GRIK4: variants seen among roughly 807,000 people sequenced by gnomAD.
The protein encoded by GRIK4 is glutamate ionotropic receptor kainate type subunit 4, also known as glutamate receptor ionotropic, kainate 4.
GRIK4 carries 40 observed loss-of-function variants against 104.9 expected under a neutral mutation model. The ratio of observed to expected loss-of-function variants is 0.38; its 90% CI spans 0.30 to 0.50. The LOEUF is 0.50. Ranked by LOEUF, GRIK4 falls within the 20% of genes least tolerant of loss-of-function variation. The pLI is 0.93. For missense variants in GRIK4, 1,047 were observed against 1,308.1 expected, an observed-to-expected ratio of 0.80 and a Z score of 3.08; for synonymous variants, 485 against 524.9, an observed-to-expected ratio of 0.92 and a Z score of 1.04.
intron 3 of GRIK4, among the ~76,000 whole-genome samples, chr11:120,750,396 T>A (rs1356770467): frequency 7.3e-6 from 1 of 137,004 alleles, no homozygotes; most frequent in Non-Finnish European, 1.5e-5. Flanking sequence ...ATGTAGAGTC[T>A]CGCTCCGTGG....
At chr11:120,609,516 C>CTT (rs58736481) in intron 1 of GRIK4, among the ~76,000 whole-genome samples, 11 of 57,160 alleles carry the variant, frequency 1.9e-4, no homozygotes, top group African/African-American at 3.0e-4. Flanking sequence ...TTTGCAGTTG[C>CTT]TTTTTTTTTT....
At chr11:120,909,786 G>T (rs1942952513) in intron 13 of GRIK4, among the ~76,000 whole-genome samples, 1 of 152,190 alleles carries the variant, frequency 6.6e-6, no homozygotes, top group African/African-American at 2.4e-5. Flanking sequence ...GAATTAAAGT[G>T]TAGAGGCCCA....
chr11:120,799,111 A>G (rs142482226), intron 3 of GRIK4, among the ~76,000 whole-genome samples: 1 of 152,342 alleles, frequency 6.6e-6, no homozygotes, highest in African/African-American at 2.4e-5. Context: ...AACTACATCA[A>G]AACATTCCCA....
intron 6 of GRIK4, among the ~76,000 whole-genome samples, chr11:120,824,242 A>T (rs951094155): frequency 2.0e-5 from 3 of 152,206 alleles, no homozygotes; most frequent in Non-Finnish European, 4.4e-5. Context: ...AATGGGAAAA[A>T]AAGAACATTT....
At chr11:120,733,146 A>G (rs925335889) in intron 3 of GRIK4, among the ~76,000 whole-genome samples, 1 of 152,172 alleles carries the variant, frequency 6.6e-6, no homozygotes, top group African/African-American at 2.4e-5. Flanking sequence ...TGTCTAATAT[A>G]TGTATAGCTA....
Position 120,953,097 on chromosome 11 carries a change from C to G in GRIK4, c.1700+133C>G. On this transcript the variant is annotated intron_variant, in intron 15 of 20. Coordinates refer to ENST00000527524, the MANE Select transcript of GRIK4 (RefSeq NM_014619.5). This position sits in a 1 kb window ranked among gnomAD's most constrained non-coding sequence, Gnocchi z 4.9. ...AGATCTTGGTGCCAAACTAGAAGGA[C>G]AGGAGAAGGACTGGGGGCCTGAAAT... is the stretch of plus-strand genomic sequence containing the variant. The G allele has an allele frequency of 1.6e-6, 1 of 642,178 alleles. No individual in the cohort carries two copies. The highest frequency in any genetic ancestry group is 2.6e-5 in the Admixed American group (1 of 38,538). The allele number at this position is 642,178 out of a possible 1,614,324, so 39.8% of individuals were successfully genotyped here.
chr11:120,921,293 C>T (rs953193457), intron 13 of GRIK4, among the ~76,000 whole-genome samples: 2 of 152,160 alleles, frequency 1.3e-5, no homozygotes, highest in African/African-American at 2.4e-5. Flanking sequence ...CTTCTTTATC[C>T]GTCTATTGGC....
intron 6 of GRIK4, among the ~76,000 whole-genome samples, chr11:120,821,340 T>C (rs749629547): frequency 4.6e-5 from 7 of 151,934 alleles, no homozygotes; most frequent in African/African-American, 7.3e-5. Context: ...GGGAAAGAGA[T>C]AGGTCATGCC....
At chr11:120,840,522 G>T (rs191332749) in intron 8 of GRIK4, among the ~76,000 whole-genome samples, 6 of 152,142 alleles carry the variant, frequency 3.9e-5, no homozygotes, top group African/African-American at 1.2e-4. Flanking sequence ...GGTCCAAATC[G>T]TGAGAACTTG....
At chr11:120,545,200 A>G (rs1948074113) in intron 1 of GRIK4, among the ~76,000 whole-genome samples, 1 of 151,916 alleles carries the variant, frequency 6.6e-6, no homozygotes, top group South Asian at 2.1e-4. Flanking sequence ...ATCTCTTACT[A>G]CACGTCCTTA....
At chr11:120,925,748 A>G (rs1356309761) in intron 13 of GRIK4, among the ~76,000 whole-genome samples, 1 of 152,054 alleles carries the variant, frequency 6.6e-6, no homozygotes, top group Non-Finnish European at 1.5e-5. Context: ...GAGGCGGGTG[A>G]TCACCTGAGG....
At chr11:120,738,857 A>C (rs1017527561) in intron 3 of GRIK4, among the ~76,000 whole-genome samples, 13 of 152,130 alleles carry the variant, frequency 8.5e-5, no homozygotes, top group African/African-American at 3.1e-4. Flanking sequence ...CATCCTGGTG[A>C]GATGGGGGAG....
Position 120,944,517 on chromosome 11 carries a change from G to A in GRIK4, c.1590+4057G>A, listed in dbSNP as rs1943809812. On this transcript the variant is annotated intron_variant, in intron 14 of 20. Transcript: ENST00000527524. ...CAATGGAATTTCCATCCAGTAACCT[G>A]AGCCATCCTTAGGTTTTCTTACCTT... Among the ~76,000 whole-genome samples, 8 of 152,144 alleles carry A rather than the reference G, an allele frequency of 5.3e-5. No individual in the cohort carries two copies. In the South Asian group the frequency reaches 1.7e-3, roughly 32 times the overall value.
At chr11:120,520,977 G>A (rs1373575375) in intron 1 of GRIK4, among the ~76,000 whole-genome samples, 1 of 152,178 alleles carries the variant, frequency 6.6e-6, no homozygotes, top group African/African-American at 2.4e-5. Context: ...GTTTGGGCGG[G>A]GCACGGGATA....
At chr11:120,920,494 A>G (rs564404371) in intron 13 of GRIK4, among the ~76,000 whole-genome samples, 1 of 152,266 alleles carries the variant, frequency 6.6e-6, no homozygotes, top group South Asian at 2.1e-4. Flanking sequence ...CTTGCCATGC[A>G]GACCACAGCA....
At chr11:120,684,197 C>G (rs1950240825) in intron 3 of GRIK4, among the ~76,000 whole-genome samples, 1 of 152,122 alleles carries the variant, frequency 6.6e-6, no homozygotes. Context: ...ATGGTGCATG[C>G]TTGTAGTTCC....
intron 1 of GRIK4, among the ~76,000 whole-genome samples, chr11:120,644,743 T>C (rs1320793458): frequency 6.6e-6 from 1 of 152,220 alleles, no homozygotes; most frequent in African/African-American, 2.4e-5. Flanking sequence ...CTTCCTTGCC[T>C]GCAATAGACA....
chr11:120,926,084 T>A (rs184303869), intron 13 of GRIK4, among the ~76,000 whole-genome samples: 1 of 152,310 alleles, frequency 6.6e-6, no homozygotes, highest in East Asian at 1.9e-4. Context: ...ATGTAAATTG[T>A]TGGTCAATCT....
intron 8 of GRIK4, among the ~76,000 whole-genome samples, chr11:120,853,255 C>T (rs1591991361): frequency 6.6e-6 from 1 of 152,128 alleles, no homozygotes; most frequent in East Asian, 1.9e-4. Context: ...CATGAAAAGA[C>T]TTGTGTGTCT....
Sources: gnomAD v4.1 joint callset for allele counts (sites outside exome capture counted in the v4.1 genomes callset) on GRCh38, gnomAD v4.1.1 for gene constraint, Gnocchi (gnomAD v3.1) non-coding constraint, MANE v1.5 for transcripts, NCBI Gene and HGNC (gene_info 2026-07-23, HGNC 2026-07-21) for gene names.